The following CNTN5 variants were observed in gnomAD, a reference collection of about 807,000 sequenced individuals.
The protein encoded by CNTN5 is contactin 5.
CNTN5 carries 77 observed loss-of-function variants against 129.1 expected under a neutral mutation model. The observed-to-expected ratio is 0.60, with a 90% CI of 0.50 to 0.72. CNTN5 has a LOEUF of 0.72. Among genes scored for constraint, CNTN5 ranks in the 30% least tolerant of loss-of-function variants. The pLI, the probability that CNTN5 is intolerant of heterozygous loss-of-function variation, is 0.00. For missense variants in CNTN5, 1,478 were observed against 1,328.8 expected (o/e 1.11, Z -1.75); for synonymous variants, 509 against 465.6 (o/e 1.09, Z -1.20).
At chr11:99,692,425 C>G (rs676789) in intron 3 of CNTN5, among the ~76,000 whole-genome samples, 1 of 151,830 alleles carries the variant, frequency 6.6e-6, no homozygotes, top group Non-Finnish European at 1.5e-5. Flanking sequence ...CTTGTAACAC[C>G]GGTCTGGTGG....
intron 13 of CNTN5, among the ~76,000 whole-genome samples, chr11:100,108,040 C>T (rs1245137845): frequency 1.4e-5 from 2 of 143,492 alleles, no homozygotes; most frequent in Admixed American, 7.1e-5. Flanking sequence ...TAAAGGCATT[C>T]GAAGTGCATT....
At chr11:100,288,380 G>A (rs1029254924) in intron 18 of CNTN5, among the ~76,000 whole-genome samples, 8 of 152,094 alleles carry the variant, frequency 5.3e-5, no homozygotes, top group African/African-American at 1.9e-4. Context: ...CTCAGCAAAT[G>A]TGAAAGAACA....
At chr11:100,156,972 G>T (rs765395148) in intron 13 of CNTN5, among the ~76,000 whole-genome samples, 1 of 151,598 alleles carries the variant, frequency 6.6e-6, no homozygotes, top group Non-Finnish European at 1.5e-5. Flanking sequence ...GAAGTTTTTC[G>T]TGTGTGTGTC....
intron 3 of CNTN5, among the ~76,000 whole-genome samples, chr11:99,729,882 A>C (rs1472078506): frequency 1.1e-4 from 17 of 152,128 alleles, no homozygotes; most frequent in Admixed American, 6.5e-5. Flanking sequence ...GGAACAACAC[A>C]CATTGGGGCC....
At chr11:100,206,373 G>A (rs1268524094) in intron 15 of CNTN5, among the ~76,000 whole-genome samples, 1 of 152,014 alleles carries the variant, frequency 6.6e-6, no homozygotes, top group African/African-American at 2.4e-5. Context: ...TAGTAATTCT[G>A]TATTAAAGAG....
chr11:100,186,114 C>G (rs543033199), intron 13 of CNTN5, among the ~76,000 whole-genome samples: 1 of 152,130 alleles, frequency 6.6e-6, no homozygotes, highest in Non-Finnish European at 1.5e-5. Flanking sequence ...AATCCCAGCA[C>G]TTTGGGAGGC....
chr11:99,429,765 G>C (rs972519569), intron 2 of CNTN5, among the ~76,000 whole-genome samples: 1 of 152,028 alleles, frequency 6.6e-6, no homozygotes, highest in Non-Finnish European at 1.5e-5. Context: ...TATTTTTACA[G>C]TACACTTTGT....
intron 9 of CNTN5, among the ~76,000 whole-genome samples, chr11:100,023,408 C>G (rs1323772711): frequency 6.6e-6 from 1 of 152,120 alleles, no homozygotes; most frequent in African/African-American, 2.4e-5. Context: ...CAGACATTTC[C>G]TATATCCTGT....
chr11:99,750,765 A>G (rs140043183), intron 3 of CNTN5, among the ~76,000 whole-genome samples: 56 of 152,326 alleles, frequency 3.7e-4, no homozygotes, highest in African/African-American at 1.3e-3. Flanking sequence ...CTTTCTAAAC[A>G]TAATCTTTGA....
At position 99,859,419 on chromosome 11, in the gene CNTN5, G is replaced by A. The variant is rs76710880; in HGVS notation, c.577+14157G>A. The stretch of plus-strand genomic sequence containing the variant: ...TGCAGGTTTGTTACCTGGGTACATT[G>A]CATGATGCTGAGGTTTGGGTTACGG... On this transcript the variant is annotated intron_variant, in intron 6 of 24. Transcript: ENST00000524871. Among the ~76,000 whole-genome samples the A allele has an allele frequency of 7.5e-3, 1,136 of 152,226 alleles. 60 individuals are homozygous for A. The East Asian group carries it at 0.12, about 17-fold the overall frequency.
At chr11:99,401,981 GT>G (rs1202692637) in intron 2 of CNTN5, among the ~76,000 whole-genome samples, 2 of 152,044 alleles carry the variant, frequency 1.3e-5, no homozygotes, top group African/African-American at 4.8e-5. Flanking sequence ...GAGTCTGTAG[GT>G]TTTTTCACGT....
chr11:99,129,920 C>A (rs952921119), intron 1 of CNTN5, among the ~76,000 whole-genome samples: 11 of 152,132 alleles, frequency 7.2e-5, no homozygotes, highest in African/African-American at 2.4e-4. Flanking sequence ...TGCTGAGGGA[C>A]TTCATCACCA....
chr11:99,910,939 C>A (rs2135990957), intron 6 of CNTN5, among the ~76,000 whole-genome samples: 1 of 152,152 alleles, frequency 6.6e-6, no homozygotes, highest in South Asian at 2.1e-4. Context: ...CTTCAATATG[C>A]AATCACTTTG....
chr11:100,238,701 T>G (rs1369339708), intron 16 of CNTN5, among the ~76,000 whole-genome samples: 1 of 152,174 alleles, frequency 6.6e-6, no homozygotes, highest in African/African-American at 2.4e-5. Flanking sequence ...TTGTTGATAT[T>G]CTCAAATCTA....
At chr11:100,160,595 A>T (rs1398092584) in intron 13 of CNTN5, among the ~76,000 whole-genome samples, 1 of 151,940 alleles carries the variant, frequency 6.6e-6, no homozygotes, top group Non-Finnish European at 1.5e-5. Context: ...CATTGAACAG[A>T]AACTCCACTT....
chr11:99,658,166 A>T (rs1421065034), intron 3 of CNTN5, among the ~76,000 whole-genome samples: 2 of 151,970 alleles, frequency 1.3e-5, no homozygotes, highest in Non-Finnish European at 2.9e-5. Flanking sequence ...AAAAAAAATT[A>T]CTCAGGTTGC....
At chr11:99,538,215 T>C (rs1947971040) in intron 2 of CNTN5, among the ~76,000 whole-genome samples, 1 of 152,154 alleles carries the variant, frequency 6.6e-6, no homozygotes, top group African/African-American at 2.4e-5. Flanking sequence ...GATCATGCCA[T>C]CATTTATGTC....
intron 10 of CNTN5, among the ~76,000 whole-genome samples, chr11:100,063,381 A>G (rs78847855): frequency 7.9e-5 from 11 of 138,368 alleles, no homozygotes; most frequent in African/African-American, 3.2e-4. Context: ...CTTTGAATAG[A>G]AAAAAAAAAA....
At chr11:99,610,820 G>C (rs1414342054) in intron 3 of CNTN5, among the ~76,000 whole-genome samples, 1 of 152,146 alleles carries the variant, frequency 6.6e-6, no homozygotes, top group African/African-American at 2.4e-5. Flanking sequence ...CCCAAGGTAA[G>C]GGTATAGCAG....
Sources: gnomAD v4.1 joint callset for allele counts (sites outside exome capture counted in the v4.1 genomes callset) on GRCh38, gnomAD v4.1.1 for gene constraint, MANE v1.5 for transcripts, NCBI Gene and HGNC (gene_info 2026-07-23, HGNC 2026-07-21) for gene names.